The following SND1 variants were observed in gnomAD, a reference collection of about 807,000 sequenced individuals.
SND1 encodes the protein staphylococcal nuclease and tudor domain containing 1, also known as staphylococcal nuclease domain-containing protein 1.
A neutral mutation model predicts 121.7 loss-of-function variants in SND1; 38 were observed. That is an observed-to-expected ratio of 0.31 (90% confidence interval 0.24 to 0.41). The LOEUF (loss-of-function observed/expected upper bound fraction) is 0.41, where lower values mean the gene tolerates loss of function less well. SND1 is among the 10% of genes least tolerant of loss of function. The pLI, the probability that SND1 is intolerant of heterozygous loss-of-function variation, is 1.00. For missense variants in SND1, 868 were observed against 1,184.6 expected (o/e 0.73, Z 3.92); for synonymous variants, 401 against 447.4 (o/e 0.90, Z 1.31).
Position 128,029,185 on chromosome 7 carries a change from C to A in SND1, c.1779+38129C>A. ...AGCACCGTGGTAGAGGTGGTATATG[C>A]CGGCTGGTAACCAGTGGACGTGGTA... On this transcript the variant is annotated intron_variant, in intron 16 of 23. Coordinates refer to ENST00000354725, the MANE Select transcript of SND1 (RefSeq NM_014390.4). The surrounding 1 kb of genome is among the most constrained non-coding windows in gnomAD (Gnocchi z 4.2). The A allele has an allele frequency of 6.2e-7, 1 of 1,614,048 alleles. No individual in the cohort carries two copies. Among genetic ancestry groups the A allele is most frequent in the Non-Finnish European group, 8.5e-7 (1 of 1,180,022 alleles).
At chr7:127,900,402 G>A (rs983667806) in intron 13 of SND1, among the ~76,000 whole-genome samples, 1 of 152,190 alleles carries the variant, frequency 6.6e-6, no homozygotes, top group African/African-American at 2.4e-5. Flanking sequence ...ATCCAGCTTG[G>A]AGAGCATTGG....
intron 15 of SND1, among the ~76,000 whole-genome samples, chr7:127,941,889 G>GT (rs34389081): frequency 0.11 from 10,883 of 99,850 alleles, 592 homozygotes; most frequent in African/African-American, 0.21. Context: ...TTGATAGGGA[G>GT]TTTTTTTTTT....
chr7:127,789,387 A>C (rs1797870344), intron 10 of SND1, among the ~76,000 whole-genome samples: 1 of 152,354 alleles, frequency 6.6e-6, no homozygotes, highest in Middle Eastern at 3.4e-3. Context: ...CACATGCATA[A>C]ATGCGAGCCT....
chr7:127,768,765 A>G (rs778152579), intron 10 of SND1, among the ~76,000 whole-genome samples: 11 of 152,190 alleles, frequency 7.2e-5, no homozygotes, highest in Non-Finnish European at 1.3e-4. Flanking sequence ...TATGAGACGA[A>G]AATTGTATAT....
intron 18 of SND1, 117 bp from the exon 19 acceptor site, chr7:128,084,607 T>G: frequency 8.9e-7 from 1 of 1,126,978 alleles, no homozygotes; most frequent in Non-Finnish European, 1.2e-6. Flanking sequence ...GAGCCAGTGC[T>G]GCAGTGCCCC....
intron 1 of SND1, among the ~76,000 whole-genome samples, chr7:127,679,915 G>T (rs905716947): frequency 6.6e-6 from 1 of 152,138 alleles, no homozygotes; most frequent in Non-Finnish European, 1.5e-5. Flanking sequence ...ACAAGTTTCT[G>T]TGTGGGCATA....
intron 18 of SND1, 150 bp downstream of exon 18, chr7:128,081,651 C>T: frequency 1.2e-6 from 1 of 854,786 alleles, no homozygotes; most frequent in Non-Finnish European, 1.8e-6. Flanking sequence ...GCCCCTGTCT[C>T]CCTGCCTTGT....
intron 16 of SND1, among the ~76,000 whole-genome samples, chr7:128,023,664 T>C (rs1803408052): frequency 6.6e-6 from 1 of 152,242 alleles, no homozygotes; most frequent in Non-Finnish European, 1.5e-5. Flanking sequence ...CTATTGTCTC[T>C]GACTTCTAGA....
chr7:127,886,830 A>G, intron 12 of SND1, among the ~76,000 whole-genome samples: 1 of 134,546 alleles, frequency 7.4e-6, no homozygotes. Context: ...CCCAAGTGTG[A>G]GCAATTTTCT....
At chr7:127,986,688 TG>T (rs2116910124) in intron 15 of SND1, among the ~76,000 whole-genome samples, 1 of 152,354 alleles carries the variant, frequency 6.6e-6, no homozygotes, top group South Asian at 2.1e-4. Flanking sequence ...AATGAGTTTT[TG>T]CTTATAGGCA....
chr7:127,858,804 T>G (rs898688190), intron 12 of SND1, among the ~76,000 whole-genome samples: 1 of 152,224 alleles, frequency 6.6e-6, no homozygotes, highest in Non-Finnish European at 1.5e-5. Context: ...ACAAATTTGT[T>G]CTTATCTAGA....
chr7:127,997,703 C>T, intron 16 of SND1: 1 of 530,776 alleles, frequency 1.9e-6, no homozygotes, highest in South Asian at 1.4e-5. Context: ...TATGTCTCAC[C>T]ACCCCCACTC....
At chr7:127,970,138 A>G (rs1160671701) in intron 15 of SND1, among the ~76,000 whole-genome samples, 2 of 152,164 alleles carry the variant, frequency 1.3e-5, no homozygotes. Context: ...GCTATTTCCT[A>G]TGTTTTTTTA....
At position 128,089,602 on chromosome 7, in the gene SND1, T is replaced by G; in HGVS notation, c.2532T>G (p.Phe844Leu). Reference protein sequence around the residue: ...SAGCPHVTLQFADSKGDVGLG... With the variant: ...SAGCPHVTLQLADSKGDVGLG... Reference sequence around the variant, plus strand: ...GCTGCCCCCATGTCACCCTGCAGTTTGCAGATTCCAAGGGCGATGTGGGGC... The same window carrying G: ...GCTGCCCCCATGTCACCCTGCAGTTGGCAGATTCCAAGGGCGATGTGGGGC... The change falls in exon 22 of 24, where the codon TTT becomes TTG. Residue 844 changes from phenylalanine (F) to leucine (L), a missense_variant. Phe to Leu is a conservative substitution (Grantham distance 22). Transcript: ENST00000354725. 2 of 1,614,192 alleles carry G rather than the reference T, an allele frequency of 1.2e-6. No individual in the cohort carries two copies. Among genetic ancestry groups the G allele is most frequent in the Non-Finnish European group, 1.7e-6 (2 of 1,180,024 alleles).
intron 11 of SND1, among the ~76,000 whole-genome samples, chr7:127,818,710 G>A (rs1019207634): frequency 2.0e-5 from 3 of 152,196 alleles, no homozygotes. Flanking sequence ...AGAATTTGAT[G>A]CACAGGGTGG....
intron 22 of SND1, 51 bp from the exon 23 acceptor site, chr7:128,091,786 G>C (rs568145289): frequency 6.3e-7 from 1 of 1,599,326 alleles, no homozygotes. Context: ...CCTGCTGGCT[G>C]ATCATTTGAG....
intron 16 of SND1, among the ~76,000 whole-genome samples, chr7:128,073,021 G>T (rs1053421015): frequency 6.6e-6 from 1 of 152,214 alleles, no homozygotes. Flanking sequence ...CTAGTGAGCT[G>T]CAGGGTCCCA....
intron 12 of SND1, among the ~76,000 whole-genome samples, chr7:127,887,388 C>T (rs1799931290): frequency 6.6e-6 from 1 of 152,116 alleles, no homozygotes; most frequent in Admixed American, 6.6e-5. Context: ...GGTAGAAGAT[C>T]TACTCTCAGG....
chr7:127,790,736 G>C (rs1584574845), intron 10 of SND1, among the ~76,000 whole-genome samples: 1 of 152,142 alleles, frequency 6.6e-6, no homozygotes, highest in African/African-American at 2.4e-5. Flanking sequence ...GATGTATTAC[G>C]AGAATACAGG....
Sources: gnomAD v4.1 joint callset for allele counts (sites outside exome capture counted in the v4.1 genomes callset) on GRCh38, gnomAD v4.1.1 for gene constraint, Gnocchi (gnomAD v3.1) non-coding constraint, MANE v1.5 for transcripts, NCBI Gene and HGNC (gene_info 2026-07-23, HGNC 2026-07-21) for gene names.